The following NCR3LG1 variants were observed in gnomAD, a reference collection of about 807,000 sequenced individuals.
NCR3LG1 encodes natural cytotoxicity triggering receptor 3 ligand 1.
A neutral mutation model predicts 34.8 loss-of-function variants in NCR3LG1; 35 were observed. The observed-to-expected ratio is 1.01, with a 90% CI of 0.77 to 1.33. NCR3LG1 has a LOEUF of 1.33. Ranked by LOEUF, NCR3LG1 falls within the 40% of genes most tolerant of loss-of-function variation. The pLI, the probability that NCR3LG1 is intolerant of heterozygous loss-of-function variation, is 0.00. For synonymous variants in NCR3LG1, 173 were observed against 163.6 expected, an observed-to-expected ratio of 1.06 and a Z score of -0.44; for missense variants, 452 against 423.3, an observed-to-expected ratio of 1.07 and a Z score of -0.60.
chr11:17,361,935 T>C (rs181138378), intron 2 of NCR3LG1, among the ~76,000 whole-genome samples: 31 of 152,348 alleles, frequency 2.0e-4, no homozygotes, highest in African/African-American at 7.2e-4. Context: ...TGTGAGCCAC[T>C]GTACCAGGCC....
chr11:17,372,802 T>A lies in NCR3LG1; in HGVS notation c.*290T>A. The A allele has an allele frequency of 2.9e-6, 1 of 350,346 alleles. No homozygotes were observed. Among genetic ancestry groups the A allele is most frequent in the Non-Finnish European group, 5.2e-6 (1 of 192,838 alleles). The allele number at this position is 350,346 out of a possible 1,614,324, so 21.7% of individuals were successfully genotyped here. On this transcript the variant is annotated 3_prime_UTR_variant, in exon 5 of 5. Transcript: ENST00000338965. Reference sequence around the variant, plus strand: ...GAAAGAAGGTGAGAAACAACCAGCATTCACATACCCAATAGGAAGCGAGGC... The same window carrying A: ...GAAAGAAGGTGAGAAACAACCAGCAATCACATACCCAATAGGAAGCGAGGC...
At chr11:17,365,838 C>T (rs764866946) in intron 2 of NCR3LG1, among the ~76,000 whole-genome samples, 2 of 152,210 alleles carry the variant, frequency 1.3e-5, no homozygotes, top group African/African-American at 2.4e-5. Context: ...AGTCCACACT[C>T]ATCCTTTAGC....
At chr11:17,353,008 G>C (rs1461263134) in intron 1 of NCR3LG1, among the ~76,000 whole-genome samples, 2 of 152,302 alleles carry the variant, frequency 1.3e-5, no homozygotes, top group East Asian at 3.9e-4. Context: ...AGGAATCCCG[G>C]AGGCGCGCTC....
chr11:17,361,354 C>G (rs896195270), intron 2 of NCR3LG1, among the ~76,000 whole-genome samples: 4 of 150,360 alleles, frequency 2.7e-5, no homozygotes, highest in African/African-American at 9.8e-5. Context: ...GTGGTACAAT[C>G]TCAGCTCATT....
At chr11:17,369,679 G>A (rs1040665457) in intron 4 of NCR3LG1, among the ~76,000 whole-genome samples, 1 of 152,170 alleles carries the variant, frequency 6.6e-6, no homozygotes. Flanking sequence ...TAAGAAAAAT[G>A]GCCCTTTATC....
At position 17,354,545 on chromosome 11, in the gene NCR3LG1, CTTTTTT is replaced by C. The variant is rs71047545; in HGVS notation, c.71-2083_71-2078del. Among the ~76,000 whole-genome samples the C allele has an allele frequency of 0.012, 831 of 70,262 alleles. 12 individuals are homozygous for C. In the East Asian group the frequency reaches 0.15, roughly 13 times the overall value. 46.1% of individuals were successfully genotyped at this position (70,262 alleles called of 152,430 possible). A position where few individuals can be genotyped will look rare whatever the true frequency, so the allele number is the denominator to read the frequency against. Reference sequence around the variant, plus strand: ...TCCCTCCGACCCCCCAATTCTTCTTCTTTTTTTTTTTTTTTTTTTTTTTTTTTTGGT... The same window carrying C: ...TCCCTCCGACCCCCCAATTCTTCTTCTTTTTTTTTTTTTTTTTTTTTTGGT... On this transcript the variant is annotated intron_variant, in intron 1 of 4. Transcript: ENST00000338965.
intron 1 of NCR3LG1, among the ~76,000 whole-genome samples, chr11:17,355,841 G>A (rs1051500007): frequency 1.3e-5 from 2 of 151,962 alleles, no homozygotes; most frequent in South Asian, 2.1e-4. Context: ...TCTGTCACTC[G>A]GGCTAGAGTG....
At position 17,374,539 on chromosome 11, in the gene NCR3LG1, G is replaced by A. The variant is rs1050115971; in HGVS notation, c.*2027G>A. 1 of 152,134 alleles carries A rather than the reference G, an allele frequency of 6.6e-6. No homozygotes were observed. Among genetic ancestry groups the A allele is most frequent in the Non-Finnish European group, 1.5e-5 (1 of 68,040 alleles). 9.4% of individuals were successfully genotyped at this position (152,134 alleles called of 1,614,324 possible). A position where few individuals can be genotyped will look rare whatever the true frequency, so the allele number is the denominator to read the frequency against. ...ATTTCCTAGCTGGAAAGGGATATAA[G>A]GCTTCAAAATCTAAGGCTCAGCTCT... On this transcript the variant is annotated 3_prime_UTR_variant, in exon 5 of 5. Transcript: ENST00000338965.
rs572676224 is a variant in NCR3LG1, at chr11:17,356,757, G to A, written c.177G>A (p.Thr59=). The A allele has an allele frequency of 6.6e-5, 101 of 1,536,366 alleles. 1 individual carries two copies. Among genetic ancestry groups the A allele is most frequent in the Admixed American group, 3.9e-4 (20 of 51,004 alleles). The change falls in exon 2 of 5, where the codon ACG becomes ACA. Residue 59 remains threonine (T), a synonymous_variant. Transcript: ENST00000338965. ...TTTATTCCCAACCCCTCAACATCAC[G>A]TCTATGGGTATCACCTGGTTTTGGA... The part of the protein sequence containing the change: ...NIFYSQPLNI[T]SMGITWFWKS...
chr11:17,359,697 A>C (rs1262947523), intron 2 of NCR3LG1, among the ~76,000 whole-genome samples: 1 of 151,882 alleles, frequency 6.6e-6, no homozygotes, highest in Non-Finnish European at 1.5e-5. Flanking sequence ...TTTTTAGTAG[A>C]GATGGGGTCT....
downstream of NCR3LG1, among the ~76,000 whole-genome samples, chr11:17,380,037 G>A (rs1011348047): frequency 1.1e-4 from 17 of 152,196 alleles, no homozygotes; most frequent in Non-Finnish European, 8.8e-5. Context: ...CAGGAGCTCC[G>A]TGTTGGGAGC....
intron 4 of NCR3LG1, among the ~76,000 whole-genome samples, chr11:17,370,194 C>G (rs1371646995): frequency 6.6e-6 from 1 of 151,336 alleles, no homozygotes; most frequent in Admixed American, 6.8e-5. Flanking sequence ...AAATGGCAAC[C>G]CTCTTTTGGG....
At chr11:17,370,140 G>A (rs1273268829) in intron 4 of NCR3LG1, among the ~76,000 whole-genome samples, 1 of 152,196 alleles carries the variant, frequency 6.6e-6, no homozygotes, top group East Asian at 1.9e-4. Context: ...GGATGGGGTG[G>A]AGCTACCAGA....
downstream of NCR3LG1, among the ~76,000 whole-genome samples, chr11:17,378,830 A>T (rs1326571974): frequency 6.6e-6 from 1 of 152,200 alleles, no homozygotes; most frequent in Non-Finnish European, 1.5e-5. Flanking sequence ...TGCCTTAGAC[A>T]TGTCCACAGC....
At chr11:17,368,106 C>T (rs1429803585) in intron 3 of NCR3LG1, among the ~76,000 whole-genome samples, 1 of 152,158 alleles carries the variant, frequency 6.6e-6, no homozygotes, top group Non-Finnish European at 1.5e-5. Context: ...GTATGAGCCA[C>T]AGCACCCGGC....
chr11:17,362,691 C>T lies in NCR3LG1; in HGVS notation c.422-4318C>T, dbSNP rs7104181. Among the ~76,000 whole-genome samples the T allele has an allele frequency of 4.0e-3, 132 of 33,104 alleles. 6 individuals carry two copies. The highest frequency in any genetic ancestry group is 0.02 in the African/African-American group (48 of 2,354). The allele number at this position is 33,104 out of a possible 152,430, so 21.7% of individuals were successfully genotyped here. ...TCAGTGTCTCCTTCCTTCCTTCCTT[C>T]CTTTCTTTCTTTCTTTCTTTCTTTC... On this transcript the variant is annotated intron_variant, in intron 2 of 4. Coordinates refer to ENST00000338965, the MANE Select transcript of NCR3LG1 (RefSeq NM_001202439.3).
intron 2 of NCR3LG1, among the ~76,000 whole-genome samples, chr11:17,362,707 T>C (rs1391422941): frequency 6.4e-4 from 12 of 18,776 alleles, no homozygotes; most frequent in Non-Finnish European, 7.8e-4. Flanking sequence ...TTTCTTTCTT[T>C]CTTTCTTTCT....
At chr11:17,359,133 A>C (rs574871123) in intron 2 of NCR3LG1, among the ~76,000 whole-genome samples, 74 of 152,306 alleles carry the variant, frequency 4.9e-4, no homozygotes, top group African/African-American at 1.7e-3. Flanking sequence ...TGATCTTAGA[A>C]ACCAAGACCT....
At position 17,375,346 on chromosome 11, in the gene NCR3LG1, T is replaced by C. The variant is rs540875360; in HGVS notation, c.*2834T>C. 2 of 152,274 alleles carry C rather than the reference T, an allele frequency of 1.3e-5. No individual in the cohort carries two copies. Among genetic ancestry groups the C allele is most frequent in the East Asian group, 3.9e-4 (2 of 5,176 alleles). 9.4% of individuals were successfully genotyped at this position (152,274 alleles called of 1,614,324 possible). A position where few individuals can be genotyped will look rare whatever the true frequency, so the allele number is the denominator to read the frequency against. On this transcript the variant is annotated 3_prime_UTR_variant, in exon 5 of 5. Coordinates refer to ENST00000338965, the MANE Select transcript of NCR3LG1 (RefSeq NM_001202439.3). ...AGAAATTCCCCTAGAAAATCCAGAC[T>C]GGACCCACTTTATGGATGGGAGCTC...
Sources: gnomAD v4.1 joint callset for allele counts (sites outside exome capture counted in the v4.1 genomes callset) on GRCh38, gnomAD v4.1.1 for gene constraint, MANE v1.5 for transcripts, NCBI Gene and HGNC (gene_info 2026-07-23, HGNC 2026-07-21) for gene names.